RBFOX1: variants seen among roughly 807,000 people sequenced by gnomAD.
RBFOX1 encodes the protein RNA binding protein fox-1 homolog 1.
In RBFOX1, 8 loss-of-function variants were observed where a neutral mutation model predicts 57.7. The observed-to-expected ratio is 0.14, with a 90% CI of 0.08 to 0.25. The LOEUF is 0.25. Ranked by LOEUF, RBFOX1 falls within the 10% of genes least tolerant of loss-of-function variation. RBFOX1 has a pLI of 1.00. For synonymous variants in RBFOX1, 326 were observed against 222.4 expected (o/e 1.47, Z -4.15); for missense variants, 611 against 548.5 (o/e 1.11, Z -1.14).
At chr16:6,399,525 G>C (rs1461380884) in intron 2 of RBFOX1, among the ~76,000 whole-genome samples, 1 of 151,988 alleles carries the variant, frequency 6.6e-6, no homozygotes, top group African/African-American at 2.4e-5. Flanking sequence ...CCTCAGCCAG[G>C]ACTTCATTGT....
At chr16:6,206,008 A>G (rs982795499) in intron 1 of RBFOX1, among the ~76,000 whole-genome samples, 6 of 151,906 alleles carry the variant, frequency 3.9e-5, no homozygotes, top group East Asian at 1.9e-4. Flanking sequence ...TCTAAAGAGC[A>G]GAACATAGAG....
chr16:7,590,484 A>C (rs903987136), intron 7 of RBFOX1, among the ~76,000 whole-genome samples: 1 of 152,066 alleles, frequency 6.6e-6, no homozygotes, highest in African/African-American at 2.4e-5. Context: ...CCTTTTTACG[A>C]GATTTACCCA....
chr16:5,764,572 C>T lies in RBFOX1; in HGVS notation c.319-102731C>T, dbSNP rs148142001. On this transcript the variant is annotated intron_variant, in intron 3 of 19. Transcript: ENST00000641259. ...CTCTAAGATGCTAGAGAAAAGAGAG[C>T]GCAATGGATAGGGGAGGGAGAAGGG... 4.9e-4 allele frequency among the ~76,000 whole-genome samples: 74 copies of T among 152,208 alleles called. No individual in the cohort carries two copies. The East Asian group carries it at 7.9e-3, about 16-fold the overall frequency.
intron 2 of RBFOX1, among the ~76,000 whole-genome samples, chr16:6,563,109 GC>G (rs1485024548): frequency 1.3e-5 from 2 of 151,898 alleles, no homozygotes; most frequent in African/African-American, 4.8e-5. Context: ...GTTTCCCCAG[GC>G]CCAAGTGCAA....
At chr16:7,503,399 T>C (rs2071662464) in intron 4 of RBFOX1, among the ~76,000 whole-genome samples, 1 of 152,218 alleles carries the variant, frequency 6.6e-6, no homozygotes, top group South Asian at 2.1e-4. Context: ...CAGAGAATAC[T>C]CTGGACAGCT....
intron 4 of RBFOX1, among the ~76,000 whole-genome samples, chr16:7,438,721 C>T (rs1195645553): frequency 2.6e-5 from 4 of 152,198 alleles, no homozygotes; most frequent in African/African-American, 9.6e-5. Context: ...TCCATTTCAT[C>T]TTTATTGAGC....
intron 3 of RBFOX1, among the ~76,000 whole-genome samples, chr16:5,630,571 C>G (rs555088337): frequency 7.9e-4 from 121 of 152,318 alleles, no homozygotes; most frequent in African/African-American, 2.6e-3. Context: ...TCAGGACCTT[C>G]AGAGCACTGG....
chr16:6,270,268 C>A (rs530123308), intron 1 of RBFOX1, among the ~76,000 whole-genome samples: 3 of 152,116 alleles, frequency 2.0e-5, no homozygotes, highest in South Asian at 4.1e-4. Flanking sequence ...GGCCTATATA[C>A]ACCCTTTGTA....
intron 4 of RBFOX1, among the ~76,000 whole-genome samples, chr16:7,116,013 G>A (rs1352017373): frequency 6.6e-6 from 1 of 152,146 alleles, no homozygotes; most frequent in African/African-American, 2.4e-5. Context: ...ATTGTGCCAG[G>A]CACTGTACTA....
intron 1 of RBFOX1, among the ~76,000 whole-genome samples, chr16:5,411,759 G>A (rs1203406418): frequency 6.6e-6 from 1 of 151,462 alleles, no homozygotes; most frequent in Non-Finnish European, 1.5e-5. Context: ...AGTCAGGCAT[G>A]GTGGTCTCAT....
At chr16:5,866,894 T>C (rs2057355700) in intron 3 of RBFOX1, among the ~76,000 whole-genome samples, 1 of 152,198 alleles carries the variant, frequency 6.6e-6, no homozygotes, top group African/African-American at 2.4e-5. Context: ...AGCTTTTACC[T>C]GGTGTTTCTC....
At chr16:7,230,878 C>G (rs1005326841) in intron 4 of RBFOX1, among the ~76,000 whole-genome samples, 1 of 152,118 alleles carries the variant, frequency 6.6e-6, no homozygotes, top group Non-Finnish European at 1.5e-5. Flanking sequence ...ACTATAGTTC[C>G]TCATTTTGTA....
chr16:7,332,822 T>G lies in RBFOX1; in HGVS notation c.28-185325T>G, dbSNP rs1416427408. On this transcript the variant is annotated intron_variant, in intron 4 of 15. Transcript: ENST00000550418. ...TCGTCTGGGAAGAAAACTTTCACAT[T>G]AAGAGTTGCTGATGCGGATTTTCTT... 9 of 1,421,558 alleles carry G rather than the reference T, an allele frequency of 6.3e-6. No individual in the cohort carries two copies. In the South Asian group the frequency reaches 9.7e-5, roughly 15 times the overall value. 88.1% of individuals were successfully genotyped at this position (1,421,558 alleles called of 1,614,324 possible).
chr16:6,158,646 G>A lies in RBFOX1; in HGVS notation c.-127+138654G>A, dbSNP rs201007488. ...GACCACTGCACATGAGTTAGGCATT[G>A]CGGATGACAGAGAAAAAGTCAGACA... is the stretch of plus-strand genomic sequence containing the variant. On this transcript the variant is annotated intron_variant, in intron 1 of 15. Transcript: ENST00000550418. Among the ~76,000 whole-genome samples the A allele has an allele frequency of 3.3e-5, 5 of 152,276 alleles. No individual in the cohort carries two copies. The East Asian group carries it at 7.7e-4, about 23-fold the overall frequency.
rs186126438 is a variant in RBFOX1 at position 5,583,176 on chromosome 16, C to T, written c.259-15726C>T. 3.2e-3 allele frequency among the ~76,000 whole-genome samples: 480 copies of T among 152,244 alleles called. 1 individual carries two copies. The highest frequency in any genetic ancestry group is 4.6e-3 in the Non-Finnish European group (313 of 68,024). The stretch of plus-strand genomic sequence containing the variant: ...AATTGTACAGCCATAGAATGCCATG[C>T]GCAGCAAAAGCCAATACCTGTGAAC... On this transcript the variant is annotated intron_variant, in intron 2 of 2. Transcript: ENST00000585867.
chr16:5,327,451 C>T (rs771145187), intron 1 of RBFOX1, among the ~76,000 whole-genome samples: 1 of 152,220 alleles, frequency 6.6e-6, no homozygotes, highest in African/African-American at 2.4e-5. Context: ...TCAAAATCGT[C>T]TAAAACTGGG....
intron 1 of RBFOX1, among the ~76,000 whole-genome samples, chr16:5,368,146 A>G (rs1004478344): frequency 6.6e-6 from 1 of 152,156 alleles, no homozygotes; most frequent in Non-Finnish European, 1.5e-5. Flanking sequence ...GTCATATCCA[A>G]CCTCTGGGAG....
rs1468200644 is a variant in RBFOX1 at position 7,058,897 on chromosome 16, A to G, written c.27+6799A>G. 2.0e-5 allele frequency among the ~76,000 whole-genome samples: 3 copies of G among 152,204 alleles called. 1 individual carries two copies. The highest frequency in any genetic ancestry group is 2.0e-4 in the Admixed American group (3 of 15,264). ...CTTCATAATGTTACATATTGCCCGC[A>G]GTTATGACAAAGATTGTGATACTGG... On this transcript the variant is annotated intron_variant, in intron 4 of 15. Coordinates refer to ENST00000550418, the MANE Select transcript of RBFOX1 (RefSeq NM_018723.4).
At chr16:5,490,529 A>G (rs1296250220) in intron 2 of RBFOX1, among the ~76,000 whole-genome samples, 1 of 152,158 alleles carries the variant, frequency 6.6e-6, no homozygotes, top group Non-Finnish European at 1.5e-5. Context: ...TTACTTTGGG[A>G]TAGCTGAGAG....
Sources: allele counts gnomAD v4.1 joint callset (sites outside exome capture counted in the v4.1 genomes callset), GRCh38; gene constraint gnomAD v4.1.1; transcripts MANE v1.5; gene names NCBI Gene and HGNC (gene_info 2026-07-23, HGNC 2026-07-21).